The following ZNF782 variants were observed in gnomAD, a reference collection of about 807,000 sequenced individuals.
The protein encoded by ZNF782 is zinc finger protein 782.
A neutral mutation model predicts 13.0 loss-of-function variants in ZNF782; 12 were observed. The ratio of observed to expected loss-of-function variants is 0.92; its 90% CI spans 0.59 to 1.50. The LOEUF is 1.50. ZNF782 is among the 40% of genes most tolerant of loss of function. The probability of loss-of-function intolerance (pLI) is 0.00; values close to 1 mark genes in which losing one functional copy is unlikely to be tolerated. For missense variants in ZNF782, 770 were observed against 822.9 expected, an observed-to-expected ratio of 0.94 and a Z score of 0.79; for synonymous variants, 284 against 283.0, an observed-to-expected ratio of 1.00 and a Z score of -0.04.
the ZNF782 span, among the ~76,000 whole-genome samples, chr9:96,930,619 G>C: frequency 6.7e-6 from 1 of 149,312 alleles, no homozygotes; most frequent in African/African-American, 2.5e-5. Flanking sequence ...GTCATGTGCA[G>C]CTGTTGCTGG....
At chr9:96,857,052 A>G (rs1429581233), upstream of ZNF782, among the ~76,000 whole-genome samples, 2 of 152,198 alleles carry the variant, frequency 1.3e-5, no homozygotes, top group Non-Finnish European at 2.9e-5. Flanking sequence ...TAGAAGGGTA[A>G]GTTTTTGTGA....
At chr9:96,912,163 G>A in the ZNF782 span, among the ~76,000 whole-genome samples, 73 of 135,274 alleles carry the variant, frequency 5.4e-4, no homozygotes, top group Admixed American at 9.0e-4. Context: ...ATCCGCCATC[G>A]CACTGCAGCT....
At chr9:96,927,082 C>T in the ZNF782 span, among the ~76,000 whole-genome samples, 20 of 152,218 alleles carry the variant, frequency 1.3e-4, no homozygotes, top group Admixed American at 8.5e-4. Context: ...TGATAAACAG[C>T]AATTCTGTGT....
At position 96,819,078 on chromosome 9, in the gene ZNF782, A is replaced by G. The variant is rs369927615; in HGVS notation, c.945T>C (p.Tyr315=). Residue 315 remains tyrosine, a synonymous_variant, in exon 6 of 6, where the codon TAT becomes TAC. Transcript: ENST00000481138. ...RVHIGVKPFE[Y]GKSFNRNSTL... The stretch of plus-strand genomic sequence containing the variant: ...TTGAATTACGGTTGAAACTTTTTCC[A>G]TATTCAAAGGGTTTCACCCCTATAT... 209 of 1,614,008 alleles carry G rather than the reference A, an allele frequency of 1.3e-4. No homozygotes were observed. The highest frequency in any genetic ancestry group is 1.7e-4 in the Non-Finnish European group (205 of 1,180,034).
chr9:96,832,528 T>C (rs930092839), intron 4 of ZNF782, among the ~76,000 whole-genome samples: 1 of 152,198 alleles, frequency 6.6e-6, no homozygotes, highest in African/African-American at 2.4e-5. Context: ...GTAGGTATGC[T>C]GGCAATAAAC....
At chr9:96,887,338 G>GAAGGAAGGAAGGAAGGAAGA in the ZNF782 span, 1 of 128,166 alleles carries the variant, frequency 7.8e-6, no homozygotes, top group African/African-American at 2.9e-5. Flanking sequence ...AGGAAGGAAG[G>GAAGGAAGGAAGGAAGGAAGA]AAGAAAGAAA....
intron 3 of ZNF782, among the ~76,000 whole-genome samples, chr9:96,849,049 G>A (rs1018527941): frequency 3.3e-5 from 5 of 152,066 alleles, no homozygotes; most frequent in South Asian, 2.1e-4. Flanking sequence ...ACTGATCTTC[G>A]ACAAAGCATA....
intron 5 of ZNF782, among the ~76,000 whole-genome samples, chr9:96,824,489 TG>T (rs1850538636): frequency 6.6e-6 from 1 of 151,930 alleles, no homozygotes; most frequent in African/African-American, 2.4e-5. Context: ...CTTTGAAAAC[TG>T]GCACAAGACA....
chr9:96,865,993 T>C (rs1176951681), intron 1 of ZNF782, among the ~76,000 whole-genome samples: 1 of 152,194 alleles, frequency 6.6e-6, no homozygotes, highest in African/African-American at 2.4e-5. Context: ...TGGGTGTTGC[T>C]AAAGGCATTC....
intron 5 of ZNF782, among the ~76,000 whole-genome samples, chr9:96,824,736 T>C (rs1166063203): frequency 6.9e-6 from 1 of 145,442 alleles, no homozygotes; most frequent in African/African-American, 2.6e-5. Flanking sequence ...TGTACAAAAA[T>C]CACAAGCATT....
the ZNF782 span, among the ~76,000 whole-genome samples, chr9:96,916,062 C>A: frequency 5.3e-5 from 8 of 151,922 alleles, no homozygotes; most frequent in Admixed American, 3.9e-4. Flanking sequence ...AAAAACATCA[C>A]GAAATGCCAG....
chr9:96,917,399 G>T, the ZNF782 span, among the ~76,000 whole-genome samples: 1 of 151,828 alleles, frequency 6.6e-6, no homozygotes, highest in Admixed American at 6.6e-5. Context: ...ACTAACAATA[G>T]GCGACTGATT....
At chr9:96,833,375 C>T (rs1436497670) in intron 4 of ZNF782, among the ~76,000 whole-genome samples, 2 of 152,148 alleles carry the variant, frequency 1.3e-5, no homozygotes, top group Non-Finnish European at 2.9e-5. Context: ...ATTCAGTCAT[C>T]CTGTCTCTGT....
At chr9:96,865,799 C>T (rs1327260263) in intron 1 of ZNF782, among the ~76,000 whole-genome samples, 2 of 152,100 alleles carry the variant, frequency 1.3e-5, no homozygotes, top group East Asian at 1.9e-4. Flanking sequence ...CTGAGGTGGT[C>T]TCAGATGGAG....
intron 1 of ZNF782, among the ~76,000 whole-genome samples, chr9:96,870,479 A>G (rs1005972937): frequency 6.6e-6 from 1 of 152,224 alleles, no homozygotes; most frequent in Non-Finnish European, 1.5e-5. Flanking sequence ...AGAAACACCT[A>G]CAATTCAAGT....
At chr9:96,930,539 GA>G in the ZNF782 span, among the ~76,000 whole-genome samples, 1 of 137,948 alleles carries the variant, frequency 7.2e-6, no homozygotes, top group Non-Finnish European at 1.6e-5. Flanking sequence ...AAAAAAAAAA[GA>G]AAAAAAAGAA....
chr9:96,825,067 T>C (rs991792270), intron 5 of ZNF782, among the ~76,000 whole-genome samples: 2 of 151,278 alleles, frequency 1.3e-5, no homozygotes. Context: ...TTAAAGTTCA[T>C]ATGGAACCAA....
At chr9:96,851,183 C>T (rs1000399098) in intron 3 of ZNF782, among the ~76,000 whole-genome samples, 2 of 150,992 alleles carry the variant, frequency 1.3e-5, no homozygotes, top group Admixed American at 6.6e-5. Context: ...TAAACATTTA[C>T]TAAATCTAAA....
chr9:96,869,594 G>A (rs1016583436), intron 1 of ZNF782, among the ~76,000 whole-genome samples: 5 of 152,146 alleles, frequency 3.3e-5, no homozygotes, highest in African/African-American at 1.2e-4. Context: ...GGATTCTACC[G>A]GAAATGATAA....
Sources: allele counts gnomAD v4.1 joint callset (sites outside exome capture counted in the v4.1 genomes callset), GRCh38; gene constraint gnomAD v4.1.1; transcripts MANE v1.5; gene names NCBI Gene and HGNC (gene_info 2026-07-23, HGNC 2026-07-21).